The following PRKG1 variants were observed in gnomAD, a reference collection of about 807,000 sequenced individuals.
PRKG1 encodes the protein cGMP-dependent protein kinase 1.
In PRKG1, 35 loss-of-function variants were observed where a neutral mutation model predicts 88.1. The observed-to-expected ratio is 0.40, with a 90% CI of 0.30 to 0.53. PRKG1 has a LOEUF of 0.53. Among genes scored for constraint, PRKG1 ranks in the 20% least tolerant of loss-of-function variants. The pLI is 0.59. For missense variants in PRKG1, 540 were observed against 839.8 expected, an observed-to-expected ratio of 0.64 and a Z score of 4.41; for synonymous variants, 303 against 292.5, an observed-to-expected ratio of 1.04 and a Z score of -0.37.
chr10:51,374,093 A>ATATATATATATATAT (rs1554801054), intron 2 of PRKG1, among the ~76,000 whole-genome samples: 11 of 100,192 alleles, frequency 1.1e-4, no homozygotes, highest in East Asian at 2.6e-4. Context: ...AAAAAAAAAA[A>ATATATATATATATAT]ATATATATAT....
chr10:51,701,798 C>G (rs1841475287), intron 3 of PRKG1, among the ~76,000 whole-genome samples: 1 of 150,954 alleles, frequency 6.6e-6, no homozygotes, highest in Non-Finnish European at 1.5e-5. Flanking sequence ...TAGAAGATTG[C>G]ACATCTTGAC....
chr10:51,962,431 T>C (rs557195550), intron 5 of PRKG1, among the ~76,000 whole-genome samples: 2 of 152,086 alleles, frequency 1.3e-5, no homozygotes. Context: ...TAAATACAAA[T>C]AGGATGATCA....
chr10:51,295,240 A>C (rs1840689221), intron 2 of PRKG1, among the ~76,000 whole-genome samples: 1 of 152,152 alleles, frequency 6.6e-6, no homozygotes, highest in African/African-American at 2.4e-5. Context: ...TGGACATTTT[A>C]ATAATTTTAA....
chr10:51,925,359 A>G (rs764674776), intron 5 of PRKG1, among the ~76,000 whole-genome samples: 2 of 152,112 alleles, frequency 1.3e-5, no homozygotes, highest in Non-Finnish European at 2.9e-5. Flanking sequence ...TGAGGCTTAT[A>G]GTCCTATAGC....
At chr10:51,446,409 T>C (rs186192502) in intron 2 of PRKG1, among the ~76,000 whole-genome samples, 10 of 152,150 alleles carry the variant, frequency 6.6e-5, no homozygotes, top group Admixed American at 5.2e-4. Context: ...CTATTTCTTC[T>C]TCAACCTTTA....
intron 3 of PRKG1, among the ~76,000 whole-genome samples, chr10:51,600,697 T>C (rs920020322): frequency 1.3e-5 from 2 of 152,172 alleles, no homozygotes; most frequent in Admixed American, 6.5e-5. Context: ...CAGTAGGTAC[T>C]TTACACTTAC....
At chr10:51,535,488 T>C (rs1274818489) in intron 3 of PRKG1, among the ~76,000 whole-genome samples, 1 of 152,216 alleles carries the variant, frequency 6.6e-6, no homozygotes, top group Admixed American at 6.5e-5. Context: ...GTTTTGTGTC[T>C]TATGATCTGA....
chr10:51,493,971 G>A (rs1373463716), intron 3 of PRKG1, among the ~76,000 whole-genome samples: 1 of 152,138 alleles, frequency 6.6e-6, no homozygotes, highest in East Asian at 1.9e-4. Flanking sequence ...GAATCAGATA[G>A]GAATGGACAC....
Position 52,251,585 on chromosome 10 carries a change from G to A in PRKG1, c.1092G>A (p.Ala364=), listed in dbSNP as rs373675576. ...AAAAATCCAGATATGAAGCTGAAGC[G>A]GCTTTCTTCGCCAACCTGAAGCTGT... The part of the protein sequence containing the change: ...AEAKAKYEAE[A]AFFANLKLSD... The change falls in exon 10 of 18, where the codon GCG becomes GCA. Residue 364 remains alanine (A), a synonymous_variant. Transcript: ENST00000373980. 65 of 1,613,172 alleles carry A rather than the reference G, an allele frequency of 4.0e-5. No individual in the cohort carries two copies. The highest frequency in any genetic ancestry group is 5.0e-5 in the Non-Finnish European group (59 of 1,179,556).
chr10:51,579,360 G>A (rs1837972883), intron 3 of PRKG1, among the ~76,000 whole-genome samples: 1 of 152,002 alleles, frequency 6.6e-6, no homozygotes, highest in Non-Finnish European at 1.5e-5. Flanking sequence ...TACACATATA[G>A]AAAAGATGAA....
At chr10:51,506,427 A>G (rs1173202703) in intron 3 of PRKG1, among the ~76,000 whole-genome samples, 2 of 152,258 alleles carry the variant, frequency 1.3e-5, no homozygotes, top group Admixed American at 1.3e-4. Flanking sequence ...GCTAATATCC[A>G]GAAACTACAA....
chr10:52,154,526 A>T lies in PRKG1; in HGVS notation c.1002-7363A>T, dbSNP rs894580469. ...GAAAAGGGTGAATCATATATAGGAA[A>T]CTTGTATATAAATATTTAAGATAGA... On this transcript the variant is annotated intron_variant, in intron 8 of 17. Transcript: ENST00000373980. 8.9e-4 allele frequency among the ~76,000 whole-genome samples: 135 copies of T among 152,222 alleles called. 2 individuals are homozygous for T. The highest frequency in any genetic ancestry group is 4.4e-4 in the Non-Finnish European group (30 of 68,036).
chr10:51,213,819 T>C (rs1425185578), intron 2 of PRKG1, among the ~76,000 whole-genome samples: 2 of 152,082 alleles, frequency 1.3e-5, no homozygotes, highest in African/African-American at 4.8e-5. Flanking sequence ...AGAAGTAATT[T>C]TTTAAGAAAC....
intron 5 of PRKG1, among the ~76,000 whole-genome samples, chr10:51,925,215 T>C (rs61847455): frequency 2.6e-5 from 4 of 151,256 alleles, no homozygotes; most frequent in East Asian, 3.9e-4. Context: ...TTTTGTCTGT[T>C]TGGCAAGAAG....
intron 3 of PRKG1, among the ~76,000 whole-genome samples, chr10:51,638,053 G>A (rs1269358094): frequency 1.3e-5 from 2 of 152,218 alleles, no homozygotes; most frequent in Non-Finnish European, 2.9e-5. Flanking sequence ...CTAGATATAA[G>A]TAAGCATTGT....
chr10:51,504,121 A>C (rs1841119011), intron 3 of PRKG1, among the ~76,000 whole-genome samples: 1 of 152,120 alleles, frequency 6.6e-6, no homozygotes, highest in South Asian at 2.1e-4. Flanking sequence ...TAATTATTTC[A>C]GGGCCTCATA....
intron 4 of PRKG1, among the ~76,000 whole-genome samples, chr10:51,835,162 T>C (rs1213751685): frequency 6.6e-6 from 1 of 152,188 alleles, no homozygotes; most frequent in Non-Finnish European, 1.5e-5. Context: ...AGACAGAAGC[T>C]TCTGTCCCCA....
chr10:51,477,395 G>A (rs1286295424), intron 3 of PRKG1, among the ~76,000 whole-genome samples: 2 of 151,380 alleles, frequency 1.3e-5, no homozygotes, highest in East Asian at 3.9e-4. Flanking sequence ...GGGTTTAGTG[G>A]AGGAGATAGA....
chr10:52,031,061 T>A (rs1045252271), intron 5 of PRKG1, among the ~76,000 whole-genome samples: 9 of 147,626 alleles, frequency 6.1e-5, no homozygotes, highest in Non-Finnish European at 9.0e-5. Context: ...TCTCAAACTT[T>A]AAAAAAAAAA....
Sources: allele counts gnomAD v4.1 joint callset (sites outside exome capture counted in the v4.1 genomes callset), GRCh38; gene constraint gnomAD v4.1.1; transcripts MANE v1.5; gene names NCBI Gene and HGNC (gene_info 2026-07-23, HGNC 2026-07-21).